The following CYP7B1 variants were observed in gnomAD, a reference collection of about 807,000 sequenced individuals.
CYP7B1 encodes cytochrome P450 family 7 subfamily B member 1.
A neutral mutation model predicts 42.7 loss-of-function variants in CYP7B1; 29 were observed. The observed-to-expected ratio is 0.68, with a 90% CI of 0.51 to 0.93. The LOEUF (loss-of-function observed/expected upper bound fraction) is 0.93. Ranked by LOEUF, CYP7B1 falls within the 40% of genes least tolerant of loss-of-function variation. The pLI is 0.00. For missense variants in CYP7B1, 655 were observed against 600.5 expected (o/e 1.09, Z -0.95); for synonymous variants, 235 against 218.2 (o/e 1.08, Z -0.68).
At chr8:64,717,228 G>A (rs904224481) in intron 1 of CYP7B1, among the ~76,000 whole-genome samples, 9 of 151,338 alleles carry the variant, frequency 5.9e-5, no homozygotes, top group Non-Finnish European at 1.0e-4. Context: ...GGGTACATGT[G>A]CACAACGTGC....
intron 1 of CYP7B1, among the ~76,000 whole-genome samples, chr8:64,656,326 TA>T: frequency 6.6e-6 from 1 of 152,328 alleles, no homozygotes; most frequent in South Asian, 2.1e-4. Context: ...TTCTCTTGGC[TA>T]AAAAGAAAGA....
intron 1 of CYP7B1, among the ~76,000 whole-genome samples, chr8:64,695,961 C>A (rs1806822036): frequency 6.6e-6 from 1 of 152,140 alleles, no homozygotes; most frequent in Non-Finnish European, 1.5e-5. Context: ...AGATTCTATT[C>A]TTAAATTATC....
Position 64,666,935 on chromosome 8 carries a change from A to G in CYP7B1, c.123-42396T>C, listed in dbSNP as rs567602165. Among the ~76,000 whole-genome samples, 4 of 152,280 alleles carry G rather than the reference A, an allele frequency of 2.6e-5. No homozygotes were observed. In the South Asian group the frequency reaches 8.3e-4, roughly 32 times the overall value. On this transcript the variant is annotated intron_variant, in intron 1 of 5. Coordinates refer to ENST00000310193, the MANE Select transcript of CYP7B1 (RefSeq NM_004820.5). ...ACAATGTTAATTTGTTCAATTTCTA[A>G]TGTCTTTACAACTCTACAGGAAAGT... is the stretch of plus-strand genomic sequence containing the variant.
intron 1 of CYP7B1, among the ~76,000 whole-genome samples, chr8:64,631,047 T>C (rs919512414): frequency 3.3e-5 from 5 of 152,044 alleles, no homozygotes; most frequent in African/African-American, 1.2e-4. Flanking sequence ...TTGTAGAAAA[T>C]AGAAGCAGAG....
chr8:64,661,585 A>G (rs1806200582), intron 1 of CYP7B1, among the ~76,000 whole-genome samples: 1 of 152,188 alleles, frequency 6.6e-6, no homozygotes, highest in Non-Finnish European at 1.5e-5. Flanking sequence ...TAATAGTGTT[A>G]ATAATCCTTT....
chr8:64,777,297 C>A (rs1804343511), intron 1 of CYP7B1, among the ~76,000 whole-genome samples: 1 of 151,794 alleles, frequency 6.6e-6, no homozygotes, highest in Non-Finnish European at 1.5e-5. Context: ...ATTTACAGAG[C>A]TGCTACCCAG....
chr8:64,664,040 C>T (rs982217325), intron 1 of CYP7B1, among the ~76,000 whole-genome samples: 6 of 152,198 alleles, frequency 3.9e-5, no homozygotes, highest in African/African-American at 1.4e-4. Flanking sequence ...GTTGAAACTA[C>T]AGATGCCAGC....
At chr8:64,793,716 T>C (rs1563430786) in intron 1 of CYP7B1, among the ~76,000 whole-genome samples, 1 of 151,944 alleles carries the variant, frequency 6.6e-6, no homozygotes. Flanking sequence ...TTTCTCAAAG[T>C]TTATTTTAAA....
intron 1 of CYP7B1, among the ~76,000 whole-genome samples, chr8:64,724,683 A>T (rs1441613188): frequency 6.6e-6 from 1 of 152,090 alleles, no homozygotes; most frequent in Non-Finnish European, 1.5e-5. Context: ...GGGCTCTGAA[A>T]ATGATACTCC....
At position 64,615,900 on chromosome 8, in the gene CYP7B1, T is replaced by C. The variant is rs771425481; in HGVS notation, c.641A>G (p.Asp214Gly). Residue 214 changes from aspartate (D) to glycine (G), a missense_variant, in exon 3 of 6, where the codon GAT (aspartate) becomes GGT (glycine). Coordinates refer to ENST00000310193, the MANE Select transcript of CYP7B1 (RefSeq NM_004820.5). ...DNNKFISELRDDFLKFDDKFA... is the reference protein window; with the variant it reads ...DNNKFISELRGDFLKFDDKFA... ...CTTGTCATCAAATTTTAAAAAATCATCTCTTAGCTCACTAATAAATTTGTT... is the reference window on the plus strand; with the variant it reads ...CTTGTCATCAAATTTTAAAAAATCACCTCTTAGCTCACTAATAAATTTGTT... 1.2e-6 allele frequency: 2 copies of C among 1,613,648 alleles called. No homozygotes were observed. The highest frequency in any genetic ancestry group is 3.3e-5 in the Admixed American group (2 of 59,916).
At chr8:64,731,421 C>A (rs894137521) in intron 1 of CYP7B1, among the ~76,000 whole-genome samples, 1 of 152,136 alleles carries the variant, frequency 6.6e-6, no homozygotes, top group African/African-American at 2.4e-5. Flanking sequence ...CATTTTGCCC[C>A]TGCCCTCGAG....
chr8:64,739,304 T>C (rs1486001137), intron 1 of CYP7B1, among the ~76,000 whole-genome samples: 1 of 152,200 alleles, frequency 6.6e-6, no homozygotes, highest in Non-Finnish European at 1.5e-5. Context: ...CTTACCACTA[T>C]ATTAGCAGGA....
intron 1 of CYP7B1, among the ~76,000 whole-genome samples, chr8:64,667,259 A>C (rs1449911945): frequency 6.6e-6 from 1 of 152,216 alleles, no homozygotes; most frequent in East Asian, 1.9e-4. Flanking sequence ...GGGCTTTTGA[A>C]GTAAGTTTCC....
rs1348489434 is a variant in CYP7B1 at position 64,593,516 on chromosome 8, T to C, written c.*3126A>G. ...TTAGGGCTAGAAACCACAATACCTA[T>C]GTAGCGTTCCCTCCCCACTCCCAGA... On this transcript the variant is annotated 3_prime_UTR_variant, in exon 6 of 6. Transcript: ENST00000310193. 6.6e-6 allele frequency among the ~76,000 whole-genome samples: 1 copy of C among 152,104 alleles called. No individual in the cohort carries two copies. The highest frequency in any genetic ancestry group is 1.5e-5 in the Non-Finnish European group (1 of 68,020).
intron 1 of CYP7B1, among the ~76,000 whole-genome samples, chr8:64,629,712 C>A (rs887970264): frequency 1.3e-5 from 2 of 152,192 alleles, no homozygotes; most frequent in Admixed American, 6.5e-5. Flanking sequence ...CATAGTACCT[C>A]TTGGAACTGA....
intron 1 of CYP7B1, among the ~76,000 whole-genome samples, chr8:64,793,914 A>C (rs537397264): frequency 3.3e-5 from 5 of 152,206 alleles, no homozygotes; most frequent in South Asian, 4.1e-4. Context: ...CAGAAATGGC[A>C]AAGTTGCTTG....
At chr8:64,774,397 C>T (rs1804286847) in intron 1 of CYP7B1, among the ~76,000 whole-genome samples, 1 of 152,048 alleles carries the variant, frequency 6.6e-6, no homozygotes, top group Admixed American at 6.6e-5. Flanking sequence ...GATTAGGAAG[C>T]TGGATATTGG....
At position 64,610,600 on chromosome 8, in the gene CYP7B1, T is replaced by A. The variant is rs532626519; in HGVS notation, c.1057+4426A>T. ...GGGGGATATATAGGAATGCTCTCTA[T>A]TATCTTTGTAACTTTTCTATAAATC... is the stretch of plus-strand genomic sequence containing the variant. On this transcript the variant is annotated intron_variant, in intron 4 of 5. Coordinates refer to ENST00000310193, the MANE Select transcript of CYP7B1 (RefSeq NM_004820.5). 1.4e-3 allele frequency among the ~76,000 whole-genome samples: 220 copies of A among 152,310 alleles called. 1 individual carries two copies. The highest frequency in any genetic ancestry group is 5.2e-3 in the African/African-American group (216 of 41,570).
At position 64,740,386 on chromosome 8, in the gene CYP7B1, C is replaced by CATAAATT. The variant is rs1437919533; in HGVS notation, c.122+58073_122+58079dup. 3.2e-4 allele frequency among the ~76,000 whole-genome samples: 49 copies of CATAAATT among 151,762 alleles called. 1 individual carries two copies. Among genetic ancestry groups the CATAAATT allele is most frequent in the Admixed American group, 3.0e-3 (46 of 15,224 alleles). On this transcript the variant is annotated intron_variant, in intron 1 of 5. Coordinates refer to ENST00000310193, the MANE Select transcript of CYP7B1 (RefSeq NM_004820.5). ...ACATATTATGTTTATGATATAACTG[C>CATAAATT]ATAAATTATAAAAGAAGATCTATAA...
Sources: allele counts gnomAD v4.1 joint callset (sites outside exome capture counted in the v4.1 genomes callset), GRCh38; gene constraint gnomAD v4.1.1; transcripts MANE v1.5; gene names NCBI Gene and HGNC (gene_info 2026-07-23, HGNC 2026-07-21).